Variants in RBFA observed in about 807,000 individuals in gnomAD.
RBFA encodes the protein putative ribosome-binding factor A, mitochondrial.
In RBFA, 16 loss-of-function variants were observed where a neutral mutation model predicts 27.9. The ratio of observed to expected loss-of-function variants is 0.57; its 90% CI spans 0.39 to 0.87. RBFA has a LOEUF of 0.87. Ranked by LOEUF, RBFA falls within the 40% of genes least tolerant of loss-of-function variation. The pLI is 0.00. For missense variants in RBFA, 456 were observed against 432.1 expected, an observed-to-expected ratio of 1.06 and a Z score of -0.49; for synonymous variants, 181 against 181.0, an observed-to-expected ratio of 1.00 and a Z score of 0.00.
At position 80,046,541 on chromosome 18, in the gene RBFA, A is replaced by G; in HGVS notation, c.*386A>G. 5.2e-6 allele frequency: 1 copy of G among 191,690 alleles called. No individual in the cohort carries two copies. The highest frequency in any genetic ancestry group is 1.1e-5 in the Non-Finnish European group (1 of 93,054). The allele number at this position is 191,690 out of a possible 1,614,324, so 11.9% of individuals were successfully genotyped here. A position where few individuals can be genotyped will look rare whatever the true frequency, so the allele number is the denominator to read the frequency against. On this transcript the variant is annotated 3_prime_UTR_variant, in exon 7 of 7. Transcript: ENST00000306735. Reference sequence around the variant, plus strand: ...GAACCTGCAAACCTGGGGAGAACAGAGGGTCCCCAGAGCCTCCCAACCCCC... The same window carrying G: ...GAACCTGCAAACCTGGGGAGAACAGGGGGTCCCCAGAGCCTCCCAACCCCC...
At position 80,047,729 on chromosome 18, in the gene RBFA, A is replaced by T. The variant is rs2052066071; in HGVS notation, c.*1574A>T. Among the ~76,000 whole-genome samples, 1 of 152,226 alleles carries T rather than the reference A, an allele frequency of 6.6e-6. No individual in the cohort carries two copies. The highest frequency in any genetic ancestry group is 1.5e-5 in the Non-Finnish European group (1 of 68,042). ...AAAAAAGGGAGCCAGAAATTAGGTT[A>T]CAAAGTGTACACCACACATAAAGGC... On this transcript the variant is annotated 3_prime_UTR_variant, in exon 7 of 7. Transcript: ENST00000306735.
rs547952500 is a variant in RBFA at position 80,039,300 on chromosome 18, G to A, written c.491+683G>A. 5.5e-4 allele frequency among the ~76,000 whole-genome samples: 84 copies of A among 152,328 alleles called. 1 individual carries two copies. Among genetic ancestry groups the A allele is most frequent in the African/African-American group, 1.9e-3 (80 of 41,578 alleles). Reference sequence around the variant, plus strand: ...GCCGTGTTAATGTACCTGCATTCCAGCCTGGGCAACGGAGCAAGACCCTGT... The same window carrying A: ...GCCGTGTTAATGTACCTGCATTCCAACCTGGGCAACGGAGCAAGACCCTGT... On this transcript the variant is annotated intron_variant, in intron 4 of 6. Coordinates refer to ENST00000306735, the MANE Select transcript of RBFA (RefSeq NM_024805.3).
chr18:80,035,598 T>C (rs980938826), intron 1 of RBFA: 3 of 152,376 alleles, frequency 2.0e-5, no homozygotes, highest in African/African-American at 7.2e-5. Flanking sequence ...ATCCCCTGCA[T>C]GAGGTGCTTG....
At chr18:80,043,020 CTTTCG>C (rs1359496280) in intron 5 of RBFA, among the ~76,000 whole-genome samples, 1 of 152,190 alleles carries the variant, frequency 6.6e-6, no homozygotes, top group Non-Finnish European at 1.5e-5. Flanking sequence ...GATCAGTCCA[CTTTCG>C]TTTCACATTA....
At position 80,047,293 on chromosome 18, in the gene RBFA, C is replaced by T. The variant is rs1471769240; in HGVS notation, c.*1138C>T. Reference sequence around the variant, plus strand: ...CCTCCTCCCCAAAAAGGAGAAGTGTCCAAGGGATAGCAGACCCGTAGCACT... The same window carrying T: ...CCTCCTCCCCAAAAAGGAGAAGTGTTCAAGGGATAGCAGACCCGTAGCACT... On this transcript the variant is annotated 3_prime_UTR_variant, in exon 7 of 7. Transcript: ENST00000306735. The T allele has an allele frequency of 6.6e-6, 1 of 152,318 alleles. No homozygotes were observed. Among genetic ancestry groups the T allele is most frequent in the Non-Finnish European group, 1.5e-5 (1 of 68,114 alleles). 9.4% of individuals were successfully genotyped at this position (152,318 alleles called of 1,614,324 possible). A position where few individuals can be genotyped will look rare whatever the true frequency, so the allele number is the denominator to read the frequency against.
At position 80,048,066 on chromosome 18, in the gene RBFA, A is replaced by G. The variant is rs1316013469; in HGVS notation, c.*1911A>G. The G allele has an allele frequency of 3.3e-5, 5 of 152,276 alleles. No homozygotes were observed. Among genetic ancestry groups the G allele is most frequent in the Non-Finnish European group, 5.9e-5 (4 of 68,050 alleles). The allele number at this position is 152,276 out of a possible 1,614,324, so 9.4% of individuals were successfully genotyped here. ...ATCCTGATGTAGGAAATGAATGGTG[A>G]TGATTTACGAGCGCAACATCCTAAA... is the stretch of plus-strand genomic sequence containing the variant. On this transcript the variant is annotated 3_prime_UTR_variant, in exon 7 of 7. Transcript: ENST00000306735.
chr18:80,050,609 G>C lies in RBFA; in HGVS notation c.*4454G>C, dbSNP rs1432851123. Among the ~76,000 whole-genome samples, 1 of 152,178 alleles carries C rather than the reference G, an allele frequency of 6.6e-6. No homozygotes were observed. Among genetic ancestry groups the C allele is most frequent in the Non-Finnish European group, 1.5e-5 (1 of 68,036 alleles). On this transcript the variant is annotated 3_prime_UTR_variant, in exon 7 of 7. Coordinates refer to ENST00000306735, the MANE Select transcript of RBFA (RefSeq NM_024805.3). ...CTCAAAGATCATAAATGCTGTGGGT[G>C]CTGGCAAGATACTGAAATAAATTAA...
At position 80,047,515 on chromosome 18, in the gene RBFA, T is replaced by G. The variant is rs2052064416; in HGVS notation, c.*1360T>G. 1 of 152,284 alleles carries G rather than the reference T, an allele frequency of 6.6e-6. No homozygotes were observed. The highest frequency in any genetic ancestry group is 1.5e-5 in the Non-Finnish European group (1 of 68,050). The allele number at this position is 152,284 out of a possible 1,614,324, so 9.4% of individuals were successfully genotyped here. A position where few individuals can be genotyped will look rare whatever the true frequency, so the allele number is the denominator to read the frequency against. On this transcript the variant is annotated 3_prime_UTR_variant, in exon 7 of 7. Transcript: ENST00000306735. Reference sequence around the variant, plus strand: ...CTGGGACTAAGCTGTGTATAAGTCATCAAATGGCAGAAGCAAGATTTTTCT... The same window carrying G: ...CTGGGACTAAGCTGTGTATAAGTCAGCAAATGGCAGAAGCAAGATTTTTCT...
At chr18:80,045,526 A>T (rs374180973) in intron 6 of RBFA, among the ~76,000 whole-genome samples, 3 of 152,188 alleles carry the variant, frequency 2.0e-5, no homozygotes, top group South Asian at 2.1e-4. Flanking sequence ...TGCCCGGCGC[A>T]AATGCATTTA....
Position 80,037,418 on chromosome 18 carries a change from A to G in RBFA, c.290A>G (p.Asn97Ser), listed in dbSNP as rs1568387191. Residue 97 changes from asparagine to serine, a missense_variant, in exon 3 of 7, where the codon AAC (asparagine) becomes AGC (serine). By Grantham distance (46) the Asn-to-Ser change is conservative. Coordinates refer to ENST00000306735, the MANE Select transcript of RBFA (RefSeq NM_024805.3). ...GACCATGCGCGCCTGAGGGCCCTGA[A>G]CGGCCTCCTCTATAAGGCACTGACA... ...KEDHARLRAL[N>S]GLLYKALTDL... 3.1e-6 allele frequency: 5 copies of G among 1,614,124 alleles called. No individual in the cohort carries two copies. The highest frequency in any genetic ancestry group is 3.4e-6 in the Non-Finnish European group (4 of 1,180,010).
chr18:80,040,860 T>C (rs988410330), intron 4 of RBFA, among the ~76,000 whole-genome samples: 1 of 152,174 alleles, frequency 6.6e-6, no homozygotes, highest in Non-Finnish European at 1.5e-5. Flanking sequence ...TTTTTAAGAA[T>C]GTAAAGGATC....
chr18:80,040,485 C>T (rs1021946002), intron 4 of RBFA, among the ~76,000 whole-genome samples: 14 of 151,940 alleles, frequency 9.2e-5, no homozygotes, highest in African/African-American at 2.7e-4. Context: ...TGGGCTTAAG[C>T]GATCCTCTGG....
chr18:80,039,861 A>T (rs1421379855), intron 4 of RBFA, among the ~76,000 whole-genome samples: 6 of 152,200 alleles, frequency 3.9e-5, no homozygotes, highest in African/African-American at 1.4e-4. Flanking sequence ...AATGTAGCAG[A>T]GTGTGACAGG....
chr18:80,044,637 G>A (rs1184499554), intron 6 of RBFA, among the ~76,000 whole-genome samples: 1 of 152,276 alleles, frequency 6.6e-6, no homozygotes, highest in African/African-American at 2.4e-5. Flanking sequence ...CGTTTCATTA[G>A]GGGAGGCCGA....
intron 6 of RBFA, among the ~76,000 whole-genome samples, chr18:80,045,461 G>A (rs2052044801): frequency 6.6e-6 from 1 of 152,054 alleles, no homozygotes; most frequent in Non-Finnish European, 1.5e-5. Flanking sequence ...TCCTGACCTC[G>A]TGATCCGCCC....
rs148332133 is a variant in RBFA at position 80,045,900 on chromosome 18, C to T, written c.777C>T (p.Leu259=). 3.3e-5 allele frequency: 53 copies of T among 1,612,456 alleles called. No individual in the cohort carries two copies. Among genetic ancestry groups the T allele is most frequent in the African/African-American group, 8.0e-5 (6 of 74,762 alleles). ...ACAAAAGGAGGAAAGATAAAGGGCTCGGGGGCCTGGTGTGGCAGGGGCAGG... is the reference window on the plus strand; with the variant it reads ...ACAAAAGGAGGAAAGATAAAGGGCTTGGGGGCCTGGTGTGGCAGGGGCAGG... ...MEYKRRKDKG[L]GGLVWQGQVA... is the part of the protein sequence containing the mutation. The change falls in exon 7 of 7, where the codon CTC becomes CTT. Residue 259 remains leucine, a synonymous_variant. Coordinates refer to ENST00000306735, the MANE Select transcript of RBFA (RefSeq NM_024805.3).
intron 5 of RBFA, among the ~76,000 whole-genome samples, chr18:80,043,750 G>A (rs11664633): frequency 0.47 from 71,164 of 152,030 alleles, 17,478 homozygotes; most frequent in East Asian, 0.76. Flanking sequence ...CCTGGCTGAG[G>A]AGCAGTTTTC....
chr18:80,036,858 G>T, intron 2 of RBFA, 148 bp downstream of exon 2: 1 of 536,050 alleles, frequency 1.9e-6, no homozygotes, highest in Non-Finnish European at 3.3e-6. Context: ...GCAACATGGA[G>T]TTTTGATCTT....
rs1406572515 is a variant in RBFA, at chr18:80,048,025, T to C, written c.*1870T>C. On this transcript the variant is annotated 3_prime_UTR_variant, in exon 7 of 7. Coordinates refer to ENST00000306735, the MANE Select transcript of RBFA (RefSeq NM_024805.3). ...ACATGGCTATGTGAATTCATTTATG[T>C]ACAAGAGACCTCCCCATCCTGATGT... 6.6e-6 allele frequency: 1 copy of C among 152,266 alleles called. No individual in the cohort carries two copies. Among genetic ancestry groups the C allele is most frequent in the Non-Finnish European group, 1.5e-5 (1 of 68,054 alleles). The allele number at this position is 152,266 out of a possible 1,614,324, so 9.4% of individuals were successfully genotyped here. A position where few individuals can be genotyped will look rare whatever the true frequency, so the allele number is the denominator to read the frequency against.
Sources: allele counts gnomAD v4.1 joint callset (sites outside exome capture counted in the v4.1 genomes callset), GRCh38; gene constraint gnomAD v4.1.1; transcripts MANE v1.5; gene names NCBI Gene and HGNC (gene_info 2026-07-23, HGNC 2026-07-21).